The following RNF150 variants were observed in gnomAD, a reference collection of about 807,000 sequenced individuals.
RNF150 encodes the protein ring finger protein 150.
RNF150 carries 24 observed loss-of-function variants against 39.3 expected under a neutral mutation model. The ratio of observed to expected loss-of-function variants is 0.61; its 90% CI spans 0.44 to 0.86. RNF150 has a LOEUF of 0.86. Among genes scored for constraint, RNF150 ranks in the 40% least tolerant of loss-of-function variants. The pLI is 0.00. For synonymous variants in RNF150, 255 were observed against 227.3 expected (o/e 1.12, Z -1.10); for missense variants, 502 against 587.8 (o/e 0.85, Z 1.51).
intron 1 of RNF150, among the ~76,000 whole-genome samples, chr4:141,031,397 G>A (rs1167690475): frequency 1.3e-5 from 2 of 151,888 alleles, no homozygotes; most frequent in African/African-American, 4.8e-5. Context: ...AGCAAAAATA[G>A]ACAAATGGAA....
At chr4:141,187,638 T>C (rs540201847) in intron 1 of RNF150, among the ~76,000 whole-genome samples, 6 of 152,304 alleles carry the variant, frequency 3.9e-5, no homozygotes, top group South Asian at 2.1e-4. Context: ...TCTTTGTTGG[T>C]TTAAAGTCTG....
At chr4:141,148,768 C>G (rs1481763289) in intron 1 of RNF150, among the ~76,000 whole-genome samples, 1 of 152,118 alleles carries the variant, frequency 6.6e-6, no homozygotes, top group African/African-American at 2.4e-5. Flanking sequence ...GTACCACGTC[C>G]CTGTTTCTTT....
chr4:140,978,435 C>G (rs1733743925), intron 1 of RNF150, among the ~76,000 whole-genome samples: 1 of 152,118 alleles, frequency 6.6e-6, no homozygotes, highest in African/African-American at 2.4e-5. Context: ...ATGTCAATTC[C>G]TCAGCTATAC....
intron 1 of RNF150, among the ~76,000 whole-genome samples, chr4:141,070,652 C>T (rs1051280141): frequency 6.8e-6 from 1 of 148,104 alleles, no homozygotes; most frequent in Non-Finnish European, 1.5e-5. Context: ...CACTGGGCAT[C>T]AGAGAAATGC....
At chr4:141,095,382 C>A (rs1738734235) in intron 1 of RNF150, among the ~76,000 whole-genome samples, 1 of 152,232 alleles carries the variant, frequency 6.6e-6, no homozygotes, top group Admixed American at 6.5e-5. Flanking sequence ...CACTCCTCAC[C>A]CAGGTGCTTC....
At chr4:140,935,597 C>T (rs1004077689) in intron 4 of RNF150, among the ~76,000 whole-genome samples, 1 of 152,040 alleles carries the variant, frequency 6.6e-6, no homozygotes, top group Non-Finnish European at 1.5e-5. Flanking sequence ...CCTTTATTCC[C>T]TTAAGTGATA....
At chr4:140,917,199 C>T (rs911550373) in intron 5 of RNF150, among the ~76,000 whole-genome samples, 1 of 152,130 alleles carries the variant, frequency 6.6e-6, no homozygotes, top group Non-Finnish European at 1.5e-5. Context: ...ACAATATTAA[C>T]CTTAAATGTA....
At position 140,935,206 on chromosome 4, in the gene RNF150, G is replaced by A. The variant is rs113613688; in HGVS notation, c.891-9133C>T. On this transcript the variant is annotated intron_variant, in intron 4 of 6. Transcript: ENST00000515673. ...CAACAACTTAAAAAAACAAAGAAAGGATATCAGATCCTGTTGCTACTAACA... is the reference window on the plus strand; with the variant it reads ...CAACAACTTAAAAAAACAAAGAAAGAATATCAGATCCTGTTGCTACTAACA... Among the ~76,000 whole-genome samples the A allele has an allele frequency of 8.5e-3, 1,279 of 150,710 alleles. 14 individuals are homozygous for A. The highest frequency in any genetic ancestry group is 0.021 in the Middle Eastern group (6 of 290).
At chr4:141,006,161 AT>A (rs921171261) in intron 1 of RNF150, among the ~76,000 whole-genome samples, 1 of 151,680 alleles carries the variant, frequency 6.6e-6, no homozygotes, top group African/African-American at 2.4e-5. Context: ...TTGAATTTCT[AT>A]TTTTAAAAGC....
chr4:141,110,960 C>T (rs901942649), intron 1 of RNF150, among the ~76,000 whole-genome samples: 3 of 152,106 alleles, frequency 2.0e-5, no homozygotes, highest in Non-Finnish European at 4.4e-5. Flanking sequence ...GTGATTTCGG[C>T]AATCTGAGTG....
intron 6 of RNF150, among the ~76,000 whole-genome samples, chr4:140,877,157 C>A (rs1729186693): frequency 6.6e-6 from 1 of 152,194 alleles, no homozygotes; most frequent in Non-Finnish European, 1.5e-5. Flanking sequence ...AAGATTTTCT[C>A]CAACTGCTCA....
chr4:141,160,611 T>A (rs1023959042), intron 1 of RNF150, among the ~76,000 whole-genome samples: 1 of 152,184 alleles, frequency 6.6e-6, no homozygotes, highest in African/African-American at 2.4e-5. Context: ...TGGGGCCTGG[T>A]GGAAGATGAT....
chr4:140,989,734 T>A (rs1380842236), intron 1 of RNF150, among the ~76,000 whole-genome samples: 1 of 152,062 alleles, frequency 6.6e-6, no homozygotes, highest in Non-Finnish European at 1.5e-5. Context: ...ATCACTATCC[T>A]TTCACCTTGC....
intron 1 of RNF150, among the ~76,000 whole-genome samples, chr4:141,075,493 C>T (rs975399988): frequency 6.6e-6 from 1 of 152,240 alleles, no homozygotes; most frequent in Non-Finnish European, 1.5e-5. Context: ...ATTATAGCCT[C>T]TAATCCCAGT....
chr4:141,142,527 G>A (rs746864798), intron 1 of RNF150, among the ~76,000 whole-genome samples: 6 of 152,086 alleles, frequency 3.9e-5, no homozygotes, highest in African/African-American at 7.2e-5. Flanking sequence ...AAAAACATTG[G>A]CTATCGTAGT....
intron 1 of RNF150, among the ~76,000 whole-genome samples, chr4:140,996,075 A>G (rs1734358912): frequency 6.6e-6 from 1 of 152,190 alleles, no homozygotes; most frequent in Non-Finnish European, 1.5e-5. Flanking sequence ...TAGTGGCTAT[A>G]CTAATTACAT....
At chr4:141,143,683 ACTTT>A (rs1431679988) in intron 1 of RNF150, among the ~76,000 whole-genome samples, 15 of 152,082 alleles carry the variant, frequency 9.9e-5, no homozygotes, top group African/African-American at 3.4e-4. Flanking sequence ...TCAGTCTGGT[ACTTT>A]CTTTCATGAC....
At chr4:141,167,795 A>T (rs1181567970) in intron 1 of RNF150, among the ~76,000 whole-genome samples, 1 of 152,222 alleles carries the variant, frequency 6.6e-6, no homozygotes, top group Non-Finnish European at 1.5e-5. Flanking sequence ...AATTAACTCA[A>T]GATGGATTAA....
chr4:140,880,356 G>A (rs1253413316), intron 6 of RNF150, among the ~76,000 whole-genome samples: 1 of 151,836 alleles, frequency 6.6e-6, no homozygotes, highest in Non-Finnish European at 1.5e-5. Flanking sequence ...AATCCCACTT[G>A]GTCATGGTAT....
Sources: allele counts gnomAD v4.1 joint callset (sites outside exome capture counted in the v4.1 genomes callset), GRCh38; gene constraint gnomAD v4.1.1; transcripts MANE v1.5; gene names NCBI Gene and HGNC (gene_info 2026-07-23, HGNC 2026-07-21).